Variants in LRRC4C observed in about 807,000 individuals in gnomAD.
LRRC4C encodes the protein leucine-rich repeat-containing protein 4C.
In LRRC4C, 5 loss-of-function variants were observed where a neutral mutation model predicts 33.6. The ratio of observed to expected loss-of-function variants is 0.15; its 90% CI spans 0.08 to 0.31. The LOEUF is 0.31. Ranked by LOEUF, LRRC4C falls within the 10% of genes least tolerant of loss-of-function variation. The pLI, the probability that LRRC4C is intolerant of heterozygous loss-of-function variation, is 1.00. For missense variants in LRRC4C, 560 were observed against 796.7 expected, an observed-to-expected ratio of 0.70 and a Z score of 3.58; for synonymous variants, 329 against 302.0, an observed-to-expected ratio of 1.09 and a Z score of -0.93.
intron 1 of LRRC4C, among the ~76,000 whole-genome samples, chr11:41,021,964 A>G (rs1159397342): frequency 6.6e-6 from 1 of 151,880 alleles, no homozygotes; most frequent in African/African-American, 2.4e-5. Flanking sequence ...TTTGAAAGAA[A>G]ATCAACTGTT....
chr11:40,977,230 C>T (rs1036142709), intron 1 of LRRC4C, among the ~76,000 whole-genome samples: 4 of 151,772 alleles, frequency 2.6e-5, no homozygotes, highest in South Asian at 2.1e-4. Flanking sequence ...CTCACTGGCC[C>T]ACCACTCATC....
At chr11:40,809,367 C>G (rs1245657779) in intron 2 of LRRC4C, among the ~76,000 whole-genome samples, 1 of 152,170 alleles carries the variant, frequency 6.6e-6, no homozygotes, top group Non-Finnish European at 1.5e-5. Flanking sequence ...TTGCATTCTC[C>G]TTTGCCTGTG....
intron 1 of LRRC4C, among the ~76,000 whole-genome samples, chr11:41,023,632 A>G (rs1349342812): frequency 2.6e-5 from 4 of 151,764 alleles, no homozygotes; most frequent in Non-Finnish European, 5.9e-5. Context: ...CCAGGAGAAT[A>G]TATTAAAATT....
At chr11:40,961,861 C>G (rs1194965905) in intron 1 of LRRC4C, among the ~76,000 whole-genome samples, 1 of 151,646 alleles carries the variant, frequency 6.6e-6, no homozygotes, top group Non-Finnish European at 1.5e-5. Flanking sequence ...AACCTCCACA[C>G]CAGATGCTGT....
At chr11:40,946,651 A>G (rs1261609267) in intron 1 of LRRC4C, among the ~76,000 whole-genome samples, 1 of 152,168 alleles carries the variant, frequency 6.6e-6, no homozygotes, top group Admixed American at 6.6e-5. Flanking sequence ...TGACTGCTGC[A>G]AGATTGTCCC....
At chr11:40,265,005 C>T (rs527978900) in intron 4 of LRRC4C, among the ~76,000 whole-genome samples, 18 of 152,166 alleles carry the variant, frequency 1.2e-4, no homozygotes, top group Middle Eastern at 3.2e-3. Context: ...TTTAAAAAAG[C>T]AGTCCAAGTG....
intron 1 of LRRC4C, among the ~76,000 whole-genome samples, chr11:41,085,181 TTCAATGC>T (rs1188676963): frequency 6.6e-6 from 1 of 152,168 alleles, no homozygotes; most frequent in African/African-American, 2.4e-5. Flanking sequence ...GAAACATCTA[TTCAATGC>T]TCAAGAATGA....
chr11:40,286,836 G>T (rs1043454941), intron 4 of LRRC4C, among the ~76,000 whole-genome samples: 2 of 152,068 alleles, frequency 1.3e-5, no homozygotes, highest in Admixed American at 6.6e-5. Flanking sequence ...GAAATCCAAG[G>T]TTTGTCTATT....
chr11:40,874,063 A>G (rs1349944658), intron 2 of LRRC4C, among the ~76,000 whole-genome samples: 3 of 152,222 alleles, frequency 2.0e-5, no homozygotes, highest in Admixed American at 1.3e-4. Flanking sequence ...AGTGGCCATT[A>G]TTAGATTAGA....
chr11:40,777,779 C>T (rs1407275072), intron 2 of LRRC4C, among the ~76,000 whole-genome samples: 2 of 151,878 alleles, frequency 1.3e-5, no homozygotes, highest in African/African-American at 2.4e-5. Flanking sequence ...GCTCCGCCTC[C>T]CGAGTTCACG....
intron 4 of LRRC4C, among the ~76,000 whole-genome samples, chr11:40,273,319 G>A (rs959036300): frequency 6.6e-6 from 1 of 152,046 alleles, no homozygotes; most frequent in African/African-American, 2.4e-5. Flanking sequence ...CAATGACAAA[G>A]GCAACTAGTA....
intron 3 of LRRC4C, among the ~76,000 whole-genome samples, chr11:40,542,174 A>C (rs1306665551): frequency 6.6e-6 from 1 of 151,864 alleles, no homozygotes; most frequent in African/African-American, 2.4e-5. Context: ...AAACTTACTT[A>C]AATCCTATAT....
At chr11:40,579,098 G>C (rs1958348316) in intron 3 of LRRC4C, among the ~76,000 whole-genome samples, 1 of 152,212 alleles carries the variant, frequency 6.6e-6, no homozygotes, top group African/African-American at 2.4e-5. Flanking sequence ...AGCTCTTTGG[G>C]AGGCCGAGGT....
intron 3 of LRRC4C, among the ~76,000 whole-genome samples, chr11:40,595,453 G>T (rs1959214250): frequency 6.6e-6 from 1 of 151,964 alleles, no homozygotes; most frequent in South Asian, 2.1e-4. Context: ...AAATCATTCA[G>T]TGTTTTTCAC....
In LRRC4C at chr11:41,271,791, GTGTT is replaced by G. The variant is rs781108613; in HGVS notation, c.-496+187636_-496+187639del. On this transcript the variant is annotated intron_variant, in intron 1 of 6. Transcript: ENST00000528697. Reference sequence around the variant, plus strand: ...TGAAACATAGTAGGTTGAAAAAAAAGTGTTTGTTTATTGAATGAAAGCATAGCAT... The same window carrying G: ...TGAAACATAGTAGGTTGAAAAAAAAGTGTTTATTGAATGAAAGCATAGCAT... Among the ~76,000 whole-genome samples, 14 of 152,188 alleles carry G rather than the reference GTGTT, an allele frequency of 9.2e-5. No individual in the cohort carries two copies. The South Asian group carries it at 1.5e-3, about 16-fold the overall frequency.
intron 1 of LRRC4C, among the ~76,000 whole-genome samples, chr11:41,156,797 A>G (rs914519120): frequency 6.6e-6 from 1 of 152,002 alleles, no homozygotes; most frequent in Non-Finnish European, 1.5e-5. Context: ...AAGGCTTTGA[A>G]GAGGTGAGGA....
intron 3 of LRRC4C, among the ~76,000 whole-genome samples, chr11:40,593,248 TA>T: frequency 6.6e-6 from 1 of 152,308 alleles, no homozygotes; most frequent in South Asian, 2.1e-4. Flanking sequence ...TGTCCATTCT[TA>T]AGTGCTACCT....
intron 1 of LRRC4C, among the ~76,000 whole-genome samples, chr11:41,262,350 T>G (rs766551941): frequency 1.3e-5 from 2 of 150,562 alleles, no homozygotes; most frequent in African/African-American, 4.9e-5. Context: ...TGTGGCACTA[T>G]AGAGAAAAAG....
chr11:41,068,391 CT>C (rs1938420486), intron 1 of LRRC4C, among the ~76,000 whole-genome samples: 1 of 151,552 alleles, frequency 6.6e-6, no homozygotes, highest in Non-Finnish European at 1.5e-5. Flanking sequence ...ACTCCGTCCC[CT>C]CCCCCCAACA....
Sources: allele counts gnomAD v4.1 joint callset (sites outside exome capture counted in the v4.1 genomes callset), GRCh38; gene constraint gnomAD v4.1.1; transcripts MANE v1.5; gene names NCBI Gene and HGNC (gene_info 2026-07-23, HGNC 2026-07-21).